Variants in SERGEF observed in about 807,000 individuals in gnomAD.
The protein encoded by SERGEF is secretion regulating guanine nucleotide exchange factor.
In SERGEF, 51 loss-of-function variants were observed where a neutral mutation model predicts 50.0. That is an observed-to-expected ratio of 1.02 (90% CI 0.81 to 1.29). SERGEF has a LOEUF of 1.29. Among genes scored for constraint, SERGEF ranks in the 50% most tolerant of loss-of-function variants. The pLI is 0.00. For synonymous variants in SERGEF, 205 were observed against 212.4 expected (o/e 0.97, Z 0.30); for missense variants, 521 against 557.0 (o/e 0.94, Z 0.65).
At chr11:18,009,017 G>T (rs1854141605) in intron 1 of SERGEF, among the ~76,000 whole-genome samples, 1 of 152,018 alleles carries the variant, frequency 6.6e-6, no homozygotes, top group African/African-American at 2.4e-5. Flanking sequence ...GAACAGCTCA[G>T]GACAGAGAGA....
intron 9 of SERGEF, among the ~76,000 whole-genome samples, chr11:17,893,287 T>A (rs1197088734): frequency 6.6e-6 from 1 of 152,232 alleles, no homozygotes; most frequent in Non-Finnish European, 1.5e-5. Flanking sequence ...CTGACATATG[T>A]AAGCTGTCTG....
rs749331359 is a variant in SERGEF at position 17,992,929 on chromosome 11, A to T, written c.685+2T>A. On this transcript the variant is annotated splice_donor_variant, in intron 7 of 10. Transcript: ENST00000265965. LOFTEE classifies it high-confidence loss of function. ...TTAAACCGTGAAAGAGCTGGTACCT[A>T]CCTGTTAATGAAGCTGAGTGGTCTG... The T allele has an allele frequency of 6.2e-7, 1 of 1,613,364 alleles. No homozygotes were observed. The highest frequency in any genetic ancestry group is 2.2e-5 in the East Asian group (1 of 44,884).
intron 1 of SERGEF, among the ~76,000 whole-genome samples, chr11:18,009,846 C>T (rs1854160764): frequency 6.6e-6 from 1 of 152,140 alleles, no homozygotes. Flanking sequence ...GTCATATATA[C>T]TGATGCAAGG....
intron 10 of SERGEF, among the ~76,000 whole-genome samples, chr11:17,798,148 T>G (rs1390214219): frequency 6.6e-6 from 1 of 152,164 alleles, no homozygotes; most frequent in Non-Finnish European, 1.5e-5. Flanking sequence ...GTTGAATTGA[T>G]GGGTTCTAAG....
At chr11:17,944,075 G>A (rs750080673) in intron 9 of SERGEF, among the ~76,000 whole-genome samples, 12 of 152,070 alleles carry the variant, frequency 7.9e-5, no homozygotes, top group Non-Finnish European at 1.8e-4. Context: ...CTACAGGCAC[G>A]TGCCACCATG....
chr11:17,824,174 G>A (rs889977276), intron 10 of SERGEF, among the ~76,000 whole-genome samples: 3 of 152,044 alleles, frequency 2.0e-5, no homozygotes, highest in Admixed American at 6.5e-5. Context: ...GGTGGCGGGC[G>A]CCTGTAGTCC....
chr11:17,983,410 G>A (rs1238184524), intron 8 of SERGEF, among the ~76,000 whole-genome samples: 2 of 152,188 alleles, frequency 1.3e-5, no homozygotes, highest in African/African-American at 4.8e-5. Context: ...GAGAAGAAAT[G>A]GAGCATGTGA....
At chr11:17,990,408 T>C (rs1391427376) in intron 7 of SERGEF, among the ~76,000 whole-genome samples, 1 of 152,106 alleles carries the variant, frequency 6.6e-6, no homozygotes, top group Non-Finnish European at 1.5e-5. Context: ...CAGAGAGAGG[T>C]CAACCTCCTG....
chr11:17,822,869 A>C (rs939492804), intron 10 of SERGEF, among the ~76,000 whole-genome samples: 18 of 152,214 alleles, frequency 1.2e-4, no homozygotes, highest in African/African-American at 4.3e-4. Context: ...AGGTTTACAG[A>C]AAAGTTTTAA....
chr11:17,816,137 G>T lies in SERGEF; in HGVS notation c.1049-27724C>A, dbSNP rs559777423. 2.5e-4 allele frequency among the ~76,000 whole-genome samples: 38 copies of T among 152,272 alleles called. No homozygotes were observed. The South Asian group carries it at 7.5e-3, about 30-fold the overall frequency. ...CTCAGGTAGAGCAAATGAACAAGCAGCCCTCATTCTGCCTCTTCCAGCTCC... is the reference window on the plus strand; with the variant it reads ...CTCAGGTAGAGCAAATGAACAAGCATCCCTCATTCTGCCTCTTCCAGCTCC... On this transcript the variant is annotated intron_variant, in intron 10 of 10. Coordinates refer to ENST00000265965, the MANE Select transcript of SERGEF (RefSeq NM_012139.4).
chr11:17,811,007 T>C (rs565479109), intron 10 of SERGEF, among the ~76,000 whole-genome samples: 3 of 152,264 alleles, frequency 2.0e-5, no homozygotes, highest in Admixed American at 2.0e-4. Flanking sequence ...TTCCAGAGGC[T>C]GGCAGAAGGG....
intron 8 of SERGEF, among the ~76,000 whole-genome samples, chr11:17,976,624 C>CA (rs1464868289): frequency 6.6e-6 from 1 of 152,008 alleles, no homozygotes; most frequent in African/African-American, 2.4e-5. Flanking sequence ...TGAGAGCACC[C>CA]ATGGGATAGG....
intron 10 of SERGEF, among the ~76,000 whole-genome samples, chr11:17,819,341 T>A (rs1447145526): frequency 6.6e-6 from 1 of 152,218 alleles, no homozygotes; most frequent in East Asian, 1.9e-4. Context: ...AACCTCCAGT[T>A]TGGAAACAAT....
At chr11:18,010,805 T>C (rs1178344535) in intron 1 of SERGEF, among the ~76,000 whole-genome samples, 1 of 152,202 alleles carries the variant, frequency 6.6e-6, no homozygotes, top group Admixed American at 6.5e-5. Context: ...CATATATTTA[T>C]ATGGCGAATG....
chr11:17,929,763 A>C (rs184490746), intron 9 of SERGEF, among the ~76,000 whole-genome samples: 1 of 152,262 alleles, frequency 6.6e-6, no homozygotes, highest in East Asian at 1.9e-4. Context: ...TCTCTGTGTA[A>C]ATGTTTCCTC....
At chr11:17,926,135 C>T (rs1476753038) in intron 9 of SERGEF, among the ~76,000 whole-genome samples, 1 of 152,098 alleles carries the variant, frequency 6.6e-6, no homozygotes, top group Non-Finnish European at 1.5e-5. Context: ...CAAATGCAGA[C>T]AGGTCTATGG....
At chr11:17,965,409 A>ACC (rs1853097881) in intron 8 of SERGEF, among the ~76,000 whole-genome samples, 1 of 152,124 alleles carries the variant, frequency 6.6e-6, no homozygotes, top group Non-Finnish European at 1.5e-5. Context: ...AGAACAGACT[A>ACC]ATACAGCCTC....
chr11:17,820,613 C>T (rs1276390648), intron 10 of SERGEF, among the ~76,000 whole-genome samples: 1 of 152,160 alleles, frequency 6.6e-6, no homozygotes, highest in Non-Finnish European at 1.5e-5. Flanking sequence ...ATACAAAGAC[C>T]TTACAATCTT....
chr11:17,926,963 C>T (rs779710558), intron 9 of SERGEF: 25 of 396,920 alleles, frequency 6.3e-5, no homozygotes, highest in Admixed American at 2.0e-4. Context: ...ACCTCTTTGA[C>T]GGATAAACCA....
Sources: allele counts gnomAD v4.1 joint callset (sites outside exome capture counted in the v4.1 genomes callset), GRCh38; gene constraint gnomAD v4.1.1; transcripts MANE v1.5; gene names NCBI Gene and HGNC (gene_info 2026-07-23, HGNC 2026-07-21).